The following EXPH5 variants were observed in gnomAD, a reference collection of about 807,000 sequenced individuals.
EXPH5 encodes exophilin-5.
A neutral mutation model predicts 41.1 loss-of-function variants in EXPH5; 42 were observed. The ratio of observed to expected loss-of-function variants is 1.02; its 90% CI spans 0.80 to 1.32. The LOEUF is 1.32. Ranked by LOEUF, EXPH5 falls within the 40% of genes most tolerant of loss-of-function variation. EXPH5 has a pLI of 0.00. For missense variants in EXPH5, 2,298 were observed against 2,314.5 expected (o/e 0.99, Z 0.15); for synonymous variants, 798 against 833.5 (o/e 0.96, Z 0.73).
At position 108,514,279 on chromosome 11, in the gene EXPH5, GA is replaced by G; in HGVS notation, c.1227del (p.Gln410ArgfsTer20). 1 of 1,613,962 alleles carries G rather than the reference GA, an allele frequency of 6.2e-7. No homozygotes were observed. Among genetic ancestry groups the G allele is most frequent in the Non-Finnish European group, 8.5e-7 (1 of 1,179,968 alleles). Reference protein sequence around the residue: ...PADKYVYPRGFQENKRYESYH... With the variant: ...PADKYVYPRGXQENKRYESYH... ...TACGATTCATATCTCTTATTCTCCT[GA>G]AAACCCCTGGGATACACATACTTGT... On this transcript the variant is annotated frameshift_variant, in exon 6 of 6. Coordinates refer to ENST00000265843, the MANE Select transcript of EXPH5 (RefSeq NM_015065.3). LOFTEE classifies it low-confidence loss of function (END_TRUNC).
chr11:108,520,070 G>C (rs1455133841), intron 4 of EXPH5, among the ~76,000 whole-genome samples: 3 of 152,022 alleles, frequency 2.0e-5, no homozygotes, highest in Non-Finnish European at 4.4e-5. Flanking sequence ...GACCGGTACT[G>C]GTCTGTGGTA....
At chr11:108,554,784 C>T (rs937322742) in intron 1 of EXPH5, among the ~76,000 whole-genome samples, 6 of 152,170 alleles carry the variant, frequency 3.9e-5, no homozygotes, top group Middle Eastern at 3.4e-3. Context: ...ATTAGCCGGG[C>T]GTGGTGGCGC....
chr11:108,538,955 A>G (rs2093896391), intron 3 of EXPH5, 69 bp downstream of exon 3: 4 of 1,332,118 alleles, frequency 3.0e-6, no homozygotes, highest in African/African-American at 1.5e-5. Context: ...CATTTTGAAC[A>G]CAAAACAGGC....
intron 1 of EXPH5, among the ~76,000 whole-genome samples, chr11:108,584,307 C>T (rs1038728073): frequency 1.3e-5 from 2 of 152,028 alleles, no homozygotes; most frequent in Non-Finnish European, 2.9e-5. Flanking sequence ...GAAAACTTGT[C>T]TCTACTAAAA....
In EXPH5 at chr11:108,568,248, C is replaced by A. The variant is rs893596735; in HGVS notation, c.119+25170G>T. 8 of 151,996 alleles carry A rather than the reference C, an allele frequency of 5.3e-5. No individual in the cohort carries two copies. The East Asian group carries it at 1.5e-3, about 29-fold the overall frequency. The allele number at this position is 151,996 out of a possible 1,614,324, so 9.4% of individuals were successfully genotyped here. On this transcript the variant is annotated intron_variant, in intron 1 of 5. Transcript: ENST00000265843. ...TGCTTAGAATAGGAGAGATAAAGCT[C>A]CTGACTGAAGTCCAAAGCTGCAGGG...
the EXPH5 span, among the ~76,000 whole-genome samples, chr11:108,606,025 C>T: frequency 2.0e-5 from 3 of 152,182 alleles, no homozygotes; most frequent in South Asian, 4.1e-4. Context: ...CTCACCATCA[C>T]CTTCTTCTTT....
the EXPH5 span, among the ~76,000 whole-genome samples, chr11:108,606,123 G>T: frequency 1.3e-5 from 2 of 152,240 alleles, no homozygotes; most frequent in African/African-American, 4.8e-5. Flanking sequence ...CGAACTCCTG[G>T]TTTCAAGCGA....
chr11:108,604,155 C>T, the EXPH5 span, among the ~76,000 whole-genome samples: 1 of 149,286 alleles, frequency 6.7e-6, no homozygotes, highest in South Asian at 2.1e-4. Flanking sequence ...CTTTGAGAGG[C>T]TCAGGTGGGA....
At chr11:108,574,064 G>T (rs920206974) in intron 1 of EXPH5, among the ~76,000 whole-genome samples, 1 of 148,736 alleles carries the variant, frequency 6.7e-6, no homozygotes, top group African/African-American at 2.6e-5. Flanking sequence ...ACCACGCCCG[G>T]CTAATTTTGT....
rs150134355 is a variant in EXPH5, at chr11:108,548,794, C to G, written c.120-6982G>C. 2.0e-3 allele frequency among the ~76,000 whole-genome samples: 300 copies of G among 152,196 alleles called. 1 individual carries two copies. Among genetic ancestry groups the G allele is most frequent in the African/African-American group, 6.8e-3 (283 of 41,530 alleles). On this transcript the variant is annotated intron_variant, in intron 1 of 5. Transcript: ENST00000265843. ...GCTTCTGGTACTAAAAGGAGCAAAA[C>G]AATTATAAAATCAGTGGTCTAGATT...
Position 108,510,471 on chromosome 11 carries a change from G to T in EXPH5, c.5036C>A (p.Pro1679His), listed in dbSNP as rs773458732. ...GACGTGTGTAGAAGGTTCTCTGTTG[G>T]GTAGTACAGTAATGGGGAGAAGGTT... is the stretch of plus-strand genomic sequence containing the variant. ...SENLLPITVL[P>H]NREPSTHVSN... The change falls in exon 6 of 6, where the codon CCC becomes CAC. Residue 1679 changes from proline (P) to histidine (H), a missense_variant. Physicochemically the swap from Pro to His is moderately conservative, Grantham distance 77. Transcript: ENST00000265843. The T allele has an allele frequency of 3.7e-6, 6 of 1,613,986 alleles. No homozygotes were observed. Among genetic ancestry groups the T allele is most frequent in the Non-Finnish European group, 5.1e-6 (6 of 1,180,028 alleles).
At chr11:108,548,918 C>T (rs537955445) in intron 1 of EXPH5, among the ~76,000 whole-genome samples, 1 of 152,310 alleles carries the variant, frequency 6.6e-6, no homozygotes, top group Admixed American at 6.5e-5. Context: ...AACTTGAGGA[C>T]AGTACTTTCT....
intron 1 of EXPH5, among the ~76,000 whole-genome samples, chr11:108,584,529 A>C (rs1016905895): frequency 6.6e-6 from 1 of 152,136 alleles, no homozygotes; most frequent in African/African-American, 2.4e-5. Flanking sequence ...ACCTACTATA[A>C]AGCCACAGTA....
At chr11:108,564,313 G>T (rs529736413) in intron 1 of EXPH5, among the ~76,000 whole-genome samples, 1 of 152,066 alleles carries the variant, frequency 6.6e-6, no homozygotes, top group Admixed American at 6.6e-5. Context: ...TAAAAGGATA[G>T]TAAGAGACAA....
At chr11:108,548,657 T>C (rs559295282) in intron 1 of EXPH5, among the ~76,000 whole-genome samples, 1 of 152,312 alleles carries the variant, frequency 6.6e-6, no homozygotes, top group South Asian at 2.1e-4. Context: ...AGGGAAACGA[T>C]GACATAAAAG....
intron 4 of EXPH5, among the ~76,000 whole-genome samples, chr11:108,523,590 G>A (rs183194082): frequency 5.3e-5 from 8 of 152,312 alleles, no homozygotes; most frequent in Admixed American, 5.2e-4. Flanking sequence ...AACTATATAA[G>A]GCTGTGTGTG....
At position 108,517,305 on chromosome 11, in the gene EXPH5, T is replaced by C. The variant is rs78556336; in HGVS notation, c.631+930A>G. Among the ~76,000 whole-genome samples the C allele has an allele frequency of 6.7e-3, 1,025 of 152,324 alleles. 9 individuals carry two copies. The highest frequency in any genetic ancestry group is 0.023 in the African/African-American group (973 of 41,584). ...TTCATTCCATAAACAGTAGCTCTCC[T>C]CTTTCAACAAAACCTTCATTTTGGA... On this transcript the variant is annotated intron_variant, in intron 5 of 5. Transcript: ENST00000265843.
At chr11:108,541,348 A>T (rs1012484225) in intron 2 of EXPH5, among the ~76,000 whole-genome samples, 1 of 152,242 alleles carries the variant, frequency 6.6e-6, no homozygotes, top group African/African-American at 2.4e-5. Context: ...GCATGAATAG[A>T]GACAGAGTAG....
At chr11:108,542,236 C>T (rs1348000470) in intron 1 of EXPH5, among the ~76,000 whole-genome samples, 2 of 152,064 alleles carry the variant, frequency 1.3e-5, no homozygotes, top group African/African-American at 4.8e-5. Flanking sequence ...ATGGGCTAAA[C>T]TTGACTTAAT....
Sources: gnomAD v4.1 joint callset for allele counts (sites outside exome capture counted in the v4.1 genomes callset) on GRCh38, gnomAD v4.1.1 for gene constraint, MANE v1.5 for transcripts, NCBI Gene and HGNC (gene_info 2026-07-23, HGNC 2026-07-21) for gene names.